RIPOR2: variants seen among roughly 807,000 people sequenced by gnomAD.
RIPOR2 encodes rho family-interacting cell polarization regulator 2.
Under a neutral mutation model 114.5 loss-of-function variants are expected in RIPOR2, and 39 were observed. That is an observed-to-expected ratio of 0.34 (90% CI 0.26 to 0.44). The LOEUF is 0.44. Ranked by LOEUF, RIPOR2 falls within the 20% of genes least tolerant of loss-of-function variation. RIPOR2 has a pLI of 1.00. For synonymous variants in RIPOR2, 445 were observed against 484.4 expected (o/e 0.92, Z 1.07); for missense variants, 1,007 against 1,255.1 (o/e 0.80, Z 2.99).
At chr6:24,943,271 C>T (rs1772235014) in intron 1 of RIPOR2, among the ~76,000 whole-genome samples, 1 of 152,108 alleles carries the variant, frequency 6.6e-6, no homozygotes, top group African/African-American at 2.4e-5. Flanking sequence ...TGTTCTCACT[C>T]ATAGGTGGGA....
chr6:24,855,740 G>T (rs1048433494), intron 8 of RIPOR2, among the ~76,000 whole-genome samples: 19 of 152,156 alleles, frequency 1.2e-4, no homozygotes, highest in Non-Finnish European at 2.1e-4. Context: ...CTGTTAGTAC[G>T]CTGGAGACTC....
chr6:24,875,584 G>A lies in RIPOR2; in HGVS notation c.188+107C>T, dbSNP rs952639530. On this transcript the variant is annotated intron_variant, in intron 2 of 21. Transcript: ENST00000643898. ...TGAAAAAGATTAAAATGGGGAGGAG[G>A]CCGGGGGGCGGTTTGACAAGGCTGA... 7 of 960,852 alleles carry A rather than the reference G, an allele frequency of 7.3e-6. No individual in the cohort carries two copies. The African/African-American group carries it at 1.2e-4, about 17-fold the overall frequency. 59.5% of individuals were successfully genotyped at this position (960,852 alleles called of 1,614,324 possible). A position where few individuals can be genotyped will look rare whatever the true frequency, so the allele number is the denominator to read the frequency against.
rs115529316 is a variant in RIPOR2 at position 24,827,749 on chromosome 6, C to T, written c.2665+388G>A. Among the ~76,000 whole-genome samples the T allele has an allele frequency of 4.8e-3, 724 of 152,294 alleles. 2 individuals are homozygous for T. Among genetic ancestry groups the T allele is most frequent in the Middle Eastern group, 0.037 (11 of 294 alleles). On this transcript the variant is annotated intron_variant, in intron 18 of 21. Transcript: ENST00000643898. ...CCCTTCCCACCATGTTACCTACCTG[C>T]CTTCTTTGAAACCCCATTTCTTCCT...
intron 1 of RIPOR2, chr6:25,024,253 T>C (rs1776490470): frequency 1.7e-5 from 26 of 1,540,364 alleles, no homozygotes; most frequent in Non-Finnish European, 2.0e-5. Flanking sequence ...CTGGACTGGA[T>C]GGCCGGCCAG....
intron 1 of RIPOR2, among the ~76,000 whole-genome samples, chr6:24,960,090 G>T (rs1395806017): frequency 6.6e-6 from 1 of 152,186 alleles, no homozygotes; most frequent in Non-Finnish European, 1.5e-5. Context: ...AGAGAATACA[G>T]TTAGTTCATT....
At position 24,820,716 on chromosome 6, in the gene RIPOR2, C is replaced by T. The variant is rs377506792; in HGVS notation, c.2869-2091G>A. On this transcript the variant is annotated intron_variant, in intron 19 of 21. Coordinates refer to ENST00000643898, the MANE Select transcript of RIPOR2 (RefSeq NM_001286445.3). ...ATTAGGATTGCATTTCTTTTTATGG[C>T]CAAAAAATATTCCATTATATGGCTA... Among the ~76,000 whole-genome samples the T allele has an allele frequency of 4.6e-5, 7 of 152,140 alleles. No individual in the cohort carries two copies. In the East Asian group the frequency reaches 1.2e-3, roughly 25 times the overall value.
chr6:24,858,922 C>A lies in RIPOR2; in HGVS notation c.715+2051G>T, dbSNP rs1008030243. ...ATCTGGTCCGAGGGTGGTCCCTTTC[C>A]TCCCCATCCCACTCCTAGGGTGTCT... On this transcript the variant is annotated intron_variant, in intron 8 of 21. Coordinates refer to ENST00000643898, the MANE Select transcript of RIPOR2 (RefSeq NM_001286445.3). The surrounding 1 kb of genome is among the most constrained non-coding windows in gnomAD (Gnocchi z 4.0). Among the ~76,000 whole-genome samples the A allele has an allele frequency of 6.6e-6, 1 of 152,156 alleles. No individual in the cohort carries two copies. Among genetic ancestry groups the A allele is most frequent in the African/African-American group, 2.4e-5 (1 of 41,422 alleles).
chr6:24,907,257 C>T (rs910807706), intron 1 of RIPOR2, among the ~76,000 whole-genome samples: 2 of 152,160 alleles, frequency 1.3e-5, no homozygotes, highest in Non-Finnish European at 2.9e-5. Context: ...ATCTAATTTC[C>T]TATTTAATTA....
At chr6:24,839,386 T>C in intron 13 of RIPOR2, 114 bp from the exon 14 acceptor site, 1 of 1,437,908 alleles carries the variant, frequency 7.0e-7, no homozygotes, top group African/African-American at 1.4e-5. Flanking sequence ...GTTTTTATTT[T>C]TTGTTAGCAT....
Position 25,037,548 on chromosome 6 carries a change from C to G in RIPOR2, c.76+4303G>C, listed in dbSNP as rs1009049152. 6.6e-6 allele frequency among the ~76,000 whole-genome samples: 1 copy of G among 152,218 alleles called. No individual in the cohort carries two copies. Among genetic ancestry groups the G allele is most frequent in the African/African-American group, 2.4e-5 (1 of 41,448 alleles). ...TCCCGAATGTCTGCTCAGTATCACA[C>G]ATGTGTGTCTTTGTAGTGACCTTTG... On this transcript the variant is annotated intron_variant, in intron 1 of 13. Transcript: ENST00000510784. The surrounding 1 kb of genome is among the most constrained non-coding windows in gnomAD (Gnocchi z 4.5).
upstream of RIPOR2, chr6:25,042,088 C>CCGTTGA: frequency 1.9e-6 from 1 of 528,956 alleles, no homozygotes; most frequent in Non-Finnish European, 3.3e-6. Context: ...TTTGAGGCTT[C>CCGTTGA]CGTTGACTTC....
At chr6:24,825,530 A>C in intron 18 of RIPOR2, 102 bp from the exon 19 acceptor site, 1 of 792,144 alleles carries the variant, frequency 1.3e-6, no homozygotes, top group Non-Finnish European at 2.1e-6. Context: ...AGTATAGTAT[A>C]GTAACTCCAA....
chr6:24,842,241 G>T (rs1317648934), intron 13 of RIPOR2, among the ~76,000 whole-genome samples: 2 of 152,172 alleles, frequency 1.3e-5, no homozygotes, highest in Non-Finnish European at 2.9e-5. Context: ...CCTCCCGCCT[G>T]CGAGGAAATC....
At chr6:25,024,707 G>A (rs552985765) in intron 1 of RIPOR2, among the ~76,000 whole-genome samples, 17 of 152,276 alleles carry the variant, frequency 1.1e-4, no homozygotes, top group South Asian at 1.0e-3. Context: ...CTTGCTCCCC[G>A]ACAATACTGC....
At chr6:25,041,862 C>A in exon 1 of RIPOR2, 1 of 702,726 alleles carries the variant, frequency 1.4e-6, no homozygotes, top group Non-Finnish European at 2.6e-6. Context: ...GTTGAGCTGG[C>A]GCCTCCGGAT....
chr6:24,811,609 G>A (rs1012763193), intron 20 of RIPOR2, among the ~76,000 whole-genome samples: 6 of 150,702 alleles, frequency 4.0e-5, no homozygotes, highest in Non-Finnish European at 7.4e-5. Context: ...ATTACATCTT[G>A]CCATTGAAAG....
intron 19 of RIPOR2, among the ~76,000 whole-genome samples, chr6:24,819,630 C>CAGCCTCCTGAGTAGCAG (rs61344808): frequency 1.4e-5 from 2 of 145,728 alleles, no homozygotes; most frequent in East Asian, 4.2e-4. Flanking sequence ...TCTCCTACCT[C>CAGCCTCCTGAGTAGCAG]GATTACAGGT....
chr6:25,032,695 G>A (rs1010261749), intron 1 of RIPOR2, among the ~76,000 whole-genome samples: 16 of 152,146 alleles, frequency 1.1e-4, no homozygotes, highest in Admixed American at 2.0e-4. Flanking sequence ...AAGTAAGTAC[G>A]TGGACGGTTC....
At chr6:25,041,334 TTGGTTAGAG>T in intron 1 of RIPOR2, among the ~76,000 whole-genome samples, 1 of 152,340 alleles carries the variant, frequency 6.6e-6, no homozygotes, top group African/African-American at 2.4e-5. Flanking sequence ...AAACTCCCTT[TTGGTTAGAG>T]TTCCTGTCTA....
Sources: gnomAD v4.1 joint callset for allele counts (sites outside exome capture counted in the v4.1 genomes callset) on GRCh38, gnomAD v4.1.1 for gene constraint, Gnocchi (gnomAD v3.1) non-coding constraint, MANE v1.5 for transcripts, NCBI Gene and HGNC (gene_info 2026-07-23, HGNC 2026-07-21) for gene names.